The following RYR2 variants were observed in gnomAD, a reference collection of about 807,000 sequenced individuals.
RYR2 encodes the protein cardiac muscle ryanodine receptor-calcium release channel.
A neutral mutation model predicts 601.1 loss-of-function variants in RYR2; 227 were observed. The observed-to-expected ratio is 0.38, with a 90% CI of 0.34 to 0.42. RYR2 has a LOEUF of 0.42. Among genes scored for constraint, RYR2 ranks in the 10% least tolerant of loss-of-function variants. The pLI is 1.00. For synonymous variants in RYR2, 2,223 were observed against 2,175.1 expected (o/e 1.02, Z -0.61); for missense variants, 4,646 against 6,156.5 (o/e 0.75, Z 8.21).
At chr1:237,240,721 T>C (rs1192334118) in intron 1 of RYR2, among the ~76,000 whole-genome samples, 1 of 142,426 alleles carries the variant, frequency 7.0e-6, no homozygotes, top group Non-Finnish European at 1.5e-5. Flanking sequence ...TAGAGGATGC[T>C]CACATTGTTT....
chr1:237,550,991 C>T (rs1288285707), intron 27 of RYR2, among the ~76,000 whole-genome samples: 1 of 152,128 alleles, frequency 6.6e-6, no homozygotes, highest in Non-Finnish European at 1.5e-5. Context: ...AGCCCACCAG[C>T]CCTCCTCCAG....
chr1:237,509,866 C>A (rs1665703917), intron 23 of RYR2, among the ~76,000 whole-genome samples: 2 of 152,142 alleles, frequency 1.3e-5, no homozygotes, highest in East Asian at 3.9e-4. Flanking sequence ...AGGCAGAGGA[C>A]CTGGCATGTG....
intron 1 of RYR2, among the ~76,000 whole-genome samples, chr1:237,108,269 G>C (rs767044669): frequency 3.9e-5 from 6 of 152,140 alleles, no homozygotes; most frequent in Non-Finnish European, 5.9e-5. Flanking sequence ...CCTGTTGGAG[G>C]GATCGGAGGG....
chr1:237,196,629 C>A (rs1041075318), intron 1 of RYR2, among the ~76,000 whole-genome samples: 2 of 152,102 alleles, frequency 1.3e-5, no homozygotes, highest in South Asian at 4.1e-4. Context: ...TTATGGATCT[C>A]ATTTGATCTT....
chr1:237,561,936 C>G (rs918722820), intron 27 of RYR2, among the ~76,000 whole-genome samples: 1 of 151,990 alleles, frequency 6.6e-6, no homozygotes, highest in Admixed American at 6.6e-5. Context: ...TAGCATAAAG[C>G]AAAATCAGTC....
intron 74 of RYR2, 45 bp downstream of exon 74, chr1:237,723,307 C>T (rs1250354752): frequency 6.6e-7 from 1 of 1,522,274 alleles, no homozygotes; most frequent in Non-Finnish European, 9.0e-7. Context: ...TAGCCACATA[C>T]AAATATTTTA....
intron 26 of RYR2, among the ~76,000 whole-genome samples, chr1:237,549,107 G>T (rs1221840015): frequency 6.6e-6 from 1 of 152,144 alleles, no homozygotes; most frequent in Non-Finnish European, 1.5e-5. Flanking sequence ...ACCAAAGAGG[G>T]GTAAAGGCCA....
chr1:237,620,990 A>G (rs1346381521), intron 38 of RYR2, among the ~76,000 whole-genome samples: 1 of 152,142 alleles, frequency 6.6e-6, no homozygotes, highest in African/African-American at 2.4e-5. Context: ...TTCATGAAAC[A>G]TTTGCTAAGA....
At chr1:237,781,670 A>G in intron 89 of RYR2, 24 bp downstream of exon 89, 2 of 1,224,102 alleles carry the variant, frequency 1.6e-6, no homozygotes, top group Non-Finnish European at 2.4e-6. Flanking sequence ...ATACTTTTAA[A>G]TTCTCTTTAT....
intron 41 of RYR2, among the ~76,000 whole-genome samples, chr1:237,629,407 G>A: frequency 1.3e-5 from 2 of 151,278 alleles, no homozygotes. Flanking sequence ...AAAATAAGAT[G>A]GAATCAAAAT....
At chr1:237,820,222 G>C (rs1022310362) in intron 101 of RYR2, among the ~76,000 whole-genome samples, 1 of 151,340 alleles carries the variant, frequency 6.6e-6, no homozygotes, top group Non-Finnish European at 1.5e-5. Context: ...GGGGAGGGAG[G>C]GTAGCTGGCA....
At position 237,795,836 on chromosome 1, in the gene RYR2, GTATATATATA is replaced by G. The variant is rs1553329286; in HGVS notation, c.13956+509_13956+518del. 6.4e-3 allele frequency among the ~76,000 whole-genome samples: 844 copies of G among 132,622 alleles called. 12 individuals carry two copies. Among genetic ancestry groups the G allele is most frequent in the African/African-American group, 0.024 (822 of 34,890 alleles). 87.0% of individuals were successfully genotyped at this position (132,622 alleles called of 152,430 possible). ...TATACAGGTATGTATGTGTGTGTGT[GTATATATATA>G]TATGTATATGTATATATATATATAT... On this transcript the variant is annotated intron_variant, in intron 96 of 104. Transcript: ENST00000366574.
intron 5 of RYR2, 83 bp from the exon 6 acceptor site, chr1:237,369,451 G>C (rs961665009): frequency 8.6e-7 from 1 of 1,169,018 alleles, no homozygotes; most frequent in Non-Finnish European, 1.3e-6. Flanking sequence ...TCCTTTGAGA[G>C]CAAGAGAGTA....
At chr1:237,661,000 T>C (rs1683734343) in intron 56 of RYR2, 53 bp downstream of exon 56, 3 of 1,253,598 alleles carry the variant, frequency 2.4e-6, no homozygotes, top group Non-Finnish European at 3.0e-6. Flanking sequence ...GATTAAATAA[T>C]TTTTTAAATT....
At chr1:237,611,238 A>G (rs1187374675) in intron 36 of RYR2, among the ~76,000 whole-genome samples, 1 of 152,130 alleles carries the variant, frequency 6.6e-6, no homozygotes, top group Non-Finnish European at 1.5e-5. Flanking sequence ...TTCTTCATTC[A>G]CTCTTGCGTT....
chr1:237,818,164 C>A (rs1266866190), intron 100 of RYR2, among the ~76,000 whole-genome samples: 1 of 152,144 alleles, frequency 6.6e-6, no homozygotes, highest in Non-Finnish European at 1.5e-5. Context: ...ATATTGGATG[C>A]TCCAAGCCAG....
In RYR2 at chr1:237,201,782, G is replaced by A. The variant is rs569551584; in HGVS notation, c.49-68715G>A. Among the ~76,000 whole-genome samples the A allele has an allele frequency of 5.9e-5, 9 of 152,258 alleles. No homozygotes were observed. In the South Asian group the frequency reaches 8.3e-4, roughly 14 times the overall value. On this transcript the variant is annotated intron_variant, in intron 1 of 104. Coordinates refer to ENST00000366574, the MANE Select transcript of RYR2 (RefSeq NM_001035.3). ...ATGACTCTGGCATTGGACTCTTGTC[G>A]GGAAGGCTGATGACAGTCCCATTGT...
intron 1 of RYR2, among the ~76,000 whole-genome samples, chr1:237,213,862 C>A (rs1265167906): frequency 6.6e-6 from 1 of 150,618 alleles, no homozygotes; most frequent in Non-Finnish European, 1.5e-5. Flanking sequence ...TTTTTTTTCC[C>A]CAAGTTGTTA....
intron 84 of RYR2, among the ~76,000 whole-genome samples, chr1:237,769,066 C>G (rs1241256401): frequency 6.6e-6 from 1 of 152,020 alleles, no homozygotes; most frequent in African/African-American, 2.4e-5. Context: ...TTTCTGAATA[C>G]TTTCTAGTAA....
Sources: allele counts gnomAD v4.1 joint callset (sites outside exome capture counted in the v4.1 genomes callset), GRCh38; gene constraint gnomAD v4.1.1; transcripts MANE v1.5; gene names NCBI Gene and HGNC (gene_info 2026-07-23, HGNC 2026-07-21).